The following PDE7B variants were observed in gnomAD, a reference collection of about 807,000 sequenced individuals.
PDE7B encodes the protein 3',5'-cyclic-AMP phosphodiesterase 7B.
Under a neutral mutation model 56.2 loss-of-function variants are expected in PDE7B, and 29 were observed. The ratio of observed to expected loss-of-function variants is 0.52; its 90% CI spans 0.38 to 0.70. The LOEUF is 0.70. Among genes scored for constraint, PDE7B ranks in the 30% least tolerant of loss-of-function variants. PDE7B has a pLI of 0.00. For synonymous variants in PDE7B, 197 were observed against 196.9 expected (o/e 1.00, Z 0.00); for missense variants, 490 against 565.0 (o/e 0.87, Z 1.35).
chr6:136,058,652 C>G (rs1776781654), intron 2 of PDE7B, among the ~76,000 whole-genome samples: 1 of 152,148 alleles, frequency 6.6e-6, no homozygotes, highest in Non-Finnish European at 1.5e-5. Context: ...TAAACCTCAT[C>G]TTTTATCAAC....
At chr6:136,117,317 C>T (rs1777850322) in intron 3 of PDE7B, 1 of 152,192 alleles carries the variant, frequency 6.6e-6, no homozygotes, top group African/African-American at 2.4e-5. Context: ...GAGCCTATCT[C>T]TGTGACCTCA....
chr6:136,092,811 T>C (rs1201516476), intron 2 of PDE7B, among the ~76,000 whole-genome samples: 1 of 152,084 alleles, frequency 6.6e-6, no homozygotes, highest in Non-Finnish European at 1.5e-5. Context: ...GAGATGTTGC[T>C]CAAGGGGTAC....
chr6:136,107,752 T>C (rs186588459), intron 2 of PDE7B, among the ~76,000 whole-genome samples: 1 of 152,274 alleles, frequency 6.6e-6, no homozygotes, highest in East Asian at 1.9e-4. Flanking sequence ...AAGTCCATGC[T>C]CTTTCCACTC....
chr6:135,966,859 T>C (rs929841191), intron 2 of PDE7B, among the ~76,000 whole-genome samples: 5 of 152,158 alleles, frequency 3.3e-5, no homozygotes, highest in African/African-American at 9.7e-5. Context: ...AATTGTCCAC[T>C]CAGTTTGGCC....
intron 2 of PDE7B, among the ~76,000 whole-genome samples, chr6:136,020,415 T>TTACA (rs1196528012): frequency 5.9e-5 from 9 of 152,224 alleles, no homozygotes; most frequent in African/African-American, 2.2e-4. Flanking sequence ...TTATAAATAT[T>TTACA]TACATACGCA....
chr6:136,136,662 A>C (rs1468420762), intron 3 of PDE7B, among the ~76,000 whole-genome samples: 1 of 152,026 alleles, frequency 6.6e-6, no homozygotes, highest in African/African-American at 2.4e-5. Flanking sequence ...CGTTATCAAA[A>C]CACCTCATGT....
chr6:135,941,915 A>G (rs1774511653), intron 1 of PDE7B, among the ~76,000 whole-genome samples: 1 of 152,214 alleles, frequency 6.6e-6, no homozygotes, highest in Non-Finnish European at 1.5e-5. Context: ...AGAATAATAA[A>G]TTCAAGTTAT....
intron 2 of PDE7B, among the ~76,000 whole-genome samples, chr6:136,098,782 T>C (rs1291581122): frequency 6.6e-6 from 1 of 152,158 alleles, no homozygotes; most frequent in East Asian, 1.9e-4. Context: ...TTTTCTTTTT[T>C]TTTTTTATTA....
chr6:136,039,509 A>G (rs1776381249), intron 2 of PDE7B, among the ~76,000 whole-genome samples: 1 of 152,234 alleles, frequency 6.6e-6, no homozygotes, highest in Admixed American at 6.5e-5. Context: ...GTGGAAACAG[A>G]GTAGGAAATA....
At chr6:136,114,414 T>G (rs964068600) in intron 3 of PDE7B, among the ~76,000 whole-genome samples, 1 of 151,982 alleles carries the variant, frequency 6.6e-6, no homozygotes, top group Admixed American at 6.6e-5. Context: ...ACACACTCTC[T>G]TTGACATATA....
At chr6:136,162,350 T>G (rs1005345770) in intron 8 of PDE7B, 1 of 151,964 alleles carries the variant, frequency 6.6e-6, no homozygotes, top group Non-Finnish European at 1.5e-5. Context: ...GGAGAAGTGC[T>G]GAGCAAAAGG....
intron 2 of PDE7B, among the ~76,000 whole-genome samples, chr6:136,066,293 T>A (rs931398113): frequency 6.6e-6 from 1 of 152,160 alleles, no homozygotes; most frequent in Non-Finnish European, 1.5e-5. Flanking sequence ...GGATTCCATG[T>A]TTGCTGTTTG....
chr6:135,983,260 G>A (rs932930259), intron 2 of PDE7B, among the ~76,000 whole-genome samples: 2 of 152,126 alleles, frequency 1.3e-5, no homozygotes, highest in African/African-American at 4.8e-5. Context: ...ACTCAGCAGT[G>A]GGCTGAGTTC....
At chr6:136,038,614 G>A (rs890143694) in intron 2 of PDE7B, 222 of 1,037,586 alleles carry the variant, frequency 2.1e-4, no homozygotes, top group Non-Finnish European at 1.8e-4. Flanking sequence ...CCATAGGGAG[G>A]AAAATGAACT....
chr6:136,058,883 A>G (rs577099935), intron 2 of PDE7B, among the ~76,000 whole-genome samples: 1 of 151,334 alleles, frequency 6.6e-6, no homozygotes, highest in Non-Finnish European at 1.5e-5. Context: ...TTTGGGGGGA[A>G]AAAAGTGATT....
intron 1 of PDE7B, among the ~76,000 whole-genome samples, chr6:135,855,090 A>C (rs1354955964): frequency 6.6e-6 from 1 of 152,208 alleles, no homozygotes; most frequent in East Asian, 1.9e-4. Context: ...GGTGACTCTG[A>C]GCCACTCACT....
At chr6:136,016,376 C>A (rs1775977617) in intron 2 of PDE7B, among the ~76,000 whole-genome samples, 1 of 152,114 alleles carries the variant, frequency 6.6e-6, no homozygotes. Flanking sequence ...GTGTGAAGTT[C>A]AACTAGTAAG....
intron 1 of PDE7B, among the ~76,000 whole-genome samples, chr6:135,874,468 A>T (rs1775453266): frequency 6.6e-6 from 1 of 152,194 alleles, no homozygotes; most frequent in South Asian, 2.1e-4. Flanking sequence ...TAATGTCTAC[A>T]ATTTTATTTC....
At chr6:135,880,776 A>C (rs1006374050) in intron 1 of PDE7B, among the ~76,000 whole-genome samples, 1 of 152,178 alleles carries the variant, frequency 6.6e-6, no homozygotes, top group African/African-American at 2.4e-5. Flanking sequence ...GACCTGAATA[A>C]TTTCCATTTG....
Sources: allele counts gnomAD v4.1 joint callset (sites outside exome capture counted in the v4.1 genomes callset), GRCh38; gene constraint gnomAD v4.1.1; transcripts MANE v1.5; gene names NCBI Gene and HGNC (gene_info 2026-07-23, HGNC 2026-07-21).